HERC3: variants seen among roughly 807,000 people sequenced by gnomAD.
HERC3 encodes probable E3 ubiquitin-protein ligase HERC3.
Under a neutral mutation model 129.9 loss-of-function variants are expected in HERC3, and 58 were observed. That is an observed-to-expected ratio of 0.45 (90% CI 0.36 to 0.56). The LOEUF (loss-of-function observed/expected upper bound fraction) is 0.56, where lower values mean the gene tolerates loss of function less well. Among genes scored for constraint, HERC3 ranks in the 20% least tolerant of loss-of-function variants. The pLI is 0.00. For missense variants in HERC3, 835 were observed against 1,244.2 expected, an observed-to-expected ratio of 0.67 and a Z score of 4.95; for synonymous variants, 430 against 451.0, an observed-to-expected ratio of 0.95 and a Z score of 0.59.
chr4:88,567,813 T>C, the HERC3 span, among the ~76,000 whole-genome samples: 1 of 152,204 alleles, frequency 6.6e-6, no homozygotes, highest in Non-Finnish European at 1.5e-5. Context: ...TTAGTTTGTT[T>C]GGTGAGGTCA....
chr4:88,569,642 C>T, the HERC3 span, among the ~76,000 whole-genome samples: 2 of 152,158 alleles, frequency 1.3e-5, no homozygotes, highest in Admixed American at 1.3e-4. Context: ...TAATTTGCCC[C>T]CATTTGTTTG....
intron 3 of HERC3, among the ~76,000 whole-genome samples, chr4:88,647,808 CTT>C (rs201939681): frequency 1.2e-4 from 16 of 135,288 alleles, no homozygotes; most frequent in Non-Finnish European, 1.6e-4. Flanking sequence ...AACTCTTTAG[CTT>C]TTTTTTTTTT....
chr4:88,572,531 C>T, the HERC3 span, among the ~76,000 whole-genome samples: 1 of 152,166 alleles, frequency 6.6e-6, no homozygotes, highest in Non-Finnish European at 1.5e-5. Context: ...AGTCTTTTGG[C>T]CGAGTGTGGT....
At chr4:88,570,056 G>C in the HERC3 span, among the ~76,000 whole-genome samples, 5 of 152,234 alleles carry the variant, frequency 3.3e-5, no homozygotes, top group Non-Finnish European at 7.3e-5. Context: ...ATAGGTAGGA[G>C]AAAGGAAGCA....
intron 19 of HERC3, among the ~76,000 whole-genome samples, chr4:88,678,544 A>T (rs1481448159): frequency 2.0e-5 from 3 of 152,196 alleles, no homozygotes; most frequent in African/African-American, 4.8e-5. Flanking sequence ...CTGGGAAGCT[A>T]TTGGCCTATT....
chr4:88,664,778 G>T (rs1319958580), intron 12 of HERC3, among the ~76,000 whole-genome samples: 2 of 152,206 alleles, frequency 1.3e-5, no homozygotes, highest in African/African-American at 4.8e-5. Flanking sequence ...CTCAAAAGGA[G>T]TGAATTTCAG....
At chr4:88,576,967 T>A in the HERC3 span, among the ~76,000 whole-genome samples, 1 of 152,180 alleles carries the variant, frequency 6.6e-6, no homozygotes, top group African/African-American at 2.4e-5. Context: ...CTATATGGTG[T>A]AAGGGAGGAA....
the HERC3 span, among the ~76,000 whole-genome samples, chr4:88,559,448 C>A: frequency 6.6e-6 from 1 of 152,144 alleles, no homozygotes; most frequent in Non-Finnish European, 1.5e-5. Flanking sequence ...TCCACCAGAC[C>A]CTCCCTGATA....
the HERC3 span, among the ~76,000 whole-genome samples, chr4:88,539,349 G>C: frequency 2.0e-5 from 3 of 152,180 alleles, no homozygotes; most frequent in Non-Finnish European, 2.9e-5. Flanking sequence ...AACCTGCGAG[G>C]CTGCAGCCTC....
intron 19 of HERC3, among the ~76,000 whole-genome samples, chr4:88,679,265 A>G (rs913547834): frequency 6.6e-6 from 1 of 152,120 alleles, no homozygotes; most frequent in African/African-American, 2.4e-5. Context: ...CATCATGCCC[A>G]CTTCCACTCC....
the HERC3 span, among the ~76,000 whole-genome samples, chr4:88,577,922 T>C: frequency 6.6e-6 from 1 of 152,202 alleles, no homozygotes; most frequent in Non-Finnish European, 1.5e-5. Flanking sequence ...TCTTCATTTT[T>C]CAGATTATCA....
At chr4:88,538,259 T>C in the HERC3 span, among the ~76,000 whole-genome samples, 1 of 152,206 alleles carries the variant, frequency 6.6e-6, no homozygotes, top group Non-Finnish European at 1.5e-5. Flanking sequence ...CTAGATTCAG[T>C]TGCTAAAGAC....
At chr4:88,607,386 TAA>T (rs1388202277) in intron 3 of HERC3, among the ~76,000 whole-genome samples, 2 of 152,206 alleles carry the variant, frequency 1.3e-5, no homozygotes, top group African/African-American at 4.8e-5. Flanking sequence ...TTCGTTTCCT[TAA>T]ATTTCAGTGC....
chr4:88,677,526 G>T (rs1732298618), intron 18 of HERC3, among the ~76,000 whole-genome samples: 1 of 151,886 alleles, frequency 6.6e-6, no homozygotes, highest in African/African-American at 2.4e-5. Flanking sequence ...TTTTCATGTT[G>T]CTATATCTGT....
At chr4:88,697,372 T>G in intron 23 of HERC3, 1 of 1,614,000 alleles carries the variant, frequency 6.2e-7, no homozygotes, top group Non-Finnish European at 8.5e-7. Flanking sequence ...TGCACACCCC[T>G]CCATCTCGCC....
chr4:88,550,806 A>T, the HERC3 span, among the ~76,000 whole-genome samples: 2 of 151,110 alleles, frequency 1.3e-5, no homozygotes, highest in African/African-American at 4.8e-5. Flanking sequence ...TATGGAACCA[A>T]AAAAGAGCCT....
chr4:88,606,443 A>G (rs1335268696), intron 3 of HERC3, among the ~76,000 whole-genome samples: 2 of 151,990 alleles, frequency 1.3e-5, no homozygotes, highest in Non-Finnish European at 2.9e-5. Context: ...TAGAGAACAT[A>G]TGTAATATCA....
At chr4:88,544,574 T>C in the HERC3 span, among the ~76,000 whole-genome samples, 1 of 152,242 alleles carries the variant, frequency 6.6e-6, no homozygotes, top group Non-Finnish European at 1.5e-5. Context: ...ACTGGGTATA[T>C]ACTCAAAGCA....
At chr4:88,525,267 C>T in the HERC3 span, among the ~76,000 whole-genome samples, 12 of 152,262 alleles carry the variant, frequency 7.9e-5, no homozygotes, top group Admixed American at 2.6e-4. Context: ...TCGGGACATA[C>T]CCTCAAGGGA....
Sources: gnomAD v4.1 joint callset for allele counts (sites outside exome capture counted in the v4.1 genomes callset) on GRCh38, gnomAD v4.1.1 for gene constraint, MANE v1.5 for transcripts, NCBI Gene and HGNC (gene_info 2026-07-23, HGNC 2026-07-21) for gene names.